VEGFC: variants seen among roughly 807,000 people sequenced by gnomAD.
VEGFC encodes FLT4 ligand DHM.
A neutral mutation model predicts 46.1 loss-of-function variants in VEGFC; 12 were observed. The ratio of observed to expected loss-of-function variants is 0.26; its 90% CI spans 0.17 to 0.42. The LOEUF (loss-of-function observed/expected upper bound fraction) is 0.42, where lower values mean the gene tolerates loss of function less well. Ranked by LOEUF, VEGFC falls within the 10% of genes least tolerant of loss-of-function variation. The pLI, the probability that VEGFC is intolerant of heterozygous loss-of-function variation, is 1.00. For synonymous variants in VEGFC, 232 were observed against 195.5 expected, an observed-to-expected ratio of 1.19 and a Z score of -1.56; for missense variants, 488 against 529.4, an observed-to-expected ratio of 0.92 and a Z score of 0.77.
intron 1 of VEGFC, among the ~76,000 whole-genome samples, chr4:176,790,660 G>A (rs1419980894): frequency 2.0e-5 from 3 of 152,034 alleles, no homozygotes; most frequent in Admixed American, 2.0e-4. Context: ...TTTTCTTACT[G>A]TAAACCAAAG....
intron 1 of VEGFC, among the ~76,000 whole-genome samples, chr4:176,754,765 T>G (rs570114670): frequency 6.6e-6 from 1 of 152,228 alleles, no homozygotes; most frequent in African/African-American, 2.4e-5. Context: ...GCCATTATTC[T>G]GCTTACCACA....
chr4:176,787,576 T>C (rs1468302141), intron 1 of VEGFC, among the ~76,000 whole-genome samples: 1 of 151,462 alleles, frequency 6.6e-6, no homozygotes, highest in East Asian at 1.9e-4. Context: ...GCGAGCAGTA[T>C]AAGGAAACAG....
intron 1 of VEGFC, among the ~76,000 whole-genome samples, chr4:176,771,452 GAAT>G (rs764622292): frequency 3.9e-5 from 6 of 152,130 alleles, no homozygotes; most frequent in Admixed American, 1.3e-4. Flanking sequence ...TTATGAATTT[GAAT>G]AATAAAGCAA....
At chr4:176,750,423 T>C (rs1735323007) in intron 1 of VEGFC, among the ~76,000 whole-genome samples, 1 of 151,652 alleles carries the variant, frequency 6.6e-6, no homozygotes. Flanking sequence ...ACTATATAGA[T>C]ACTAACTTGA....
chr4:176,719,450 G>A (rs1444609673), intron 3 of VEGFC, among the ~76,000 whole-genome samples: 4 of 152,076 alleles, frequency 2.6e-5, no homozygotes, highest in Admixed American at 6.6e-5. Flanking sequence ...TTAAGTACAC[G>A]TTTTCAGAAC....
intron 4 of VEGFC, among the ~76,000 whole-genome samples, chr4:176,704,160 A>T (rs1734482615): frequency 6.6e-6 from 1 of 151,826 alleles, no homozygotes; most frequent in Non-Finnish European, 1.5e-5. Flanking sequence ...TGTTATTCCG[A>T]TTGTTCTGAT....
rs58020262 is a variant in VEGFC, at chr4:176,692,437, A to C, written c.705-4510T>G. On this transcript the variant is annotated intron_variant, in intron 4 of 6. Transcript: ENST00000618562. ...AAACAAAAAAAAAACAAAAAACGGC[A>C]CACCACGAGATTATACCCGCACCTG... Among the ~76,000 whole-genome samples the C allele has an allele frequency of 1.7e-5, 2 of 118,864 alleles. 1 individual carries two copies. Among genetic ancestry groups the C allele is most frequent in the African/African-American group, 1.0e-4 (2 of 20,026 alleles). The allele number at this position is 118,864 out of a possible 152,430, so 78.0% of individuals were successfully genotyped here.
At chr4:176,780,520 A>T (rs1735898122) in intron 1 of VEGFC, among the ~76,000 whole-genome samples, 1 of 152,186 alleles carries the variant, frequency 6.6e-6, no homozygotes, top group Admixed American at 6.5e-5. Context: ...AGCTGTACAT[A>T]TATTAATTTA....
intron 1 of VEGFC, among the ~76,000 whole-genome samples, chr4:176,730,560 C>T (rs1734945828): frequency 1.3e-5 from 2 of 152,028 alleles, no homozygotes; most frequent in Admixed American, 1.3e-4. Context: ...TTTATATTGT[C>T]ATGATTATCC....
At chr4:176,712,431 T>C (rs1215923782) in intron 3 of VEGFC, among the ~76,000 whole-genome samples, 1 of 152,150 alleles carries the variant, frequency 6.6e-6, no homozygotes, top group Non-Finnish European at 1.5e-5. Flanking sequence ...AAAAACAATG[T>C]TTTAAATTAA....
intron 1 of VEGFC, among the ~76,000 whole-genome samples, chr4:176,735,193 T>C (rs999014164): frequency 2.6e-5 from 4 of 151,928 alleles, no homozygotes; most frequent in Non-Finnish European, 5.9e-5. Flanking sequence ...TGTTCTATTA[T>C]AATTTCTGAA....
chr4:176,710,803 G>C (rs1173495922), intron 4 of VEGFC, among the ~76,000 whole-genome samples: 1 of 152,006 alleles, frequency 6.6e-6, no homozygotes, highest in South Asian at 2.1e-4. Flanking sequence ...GTCAGAACAT[G>C]ATCATACAGG....
At chr4:176,719,959 T>C (rs1257379974) in intron 3 of VEGFC, among the ~76,000 whole-genome samples, 1 of 151,622 alleles carries the variant, frequency 6.6e-6, no homozygotes. Flanking sequence ...CTCGGGAGGC[T>C]GAGGCAGGAG....
intron 6 of VEGFC, among the ~76,000 whole-genome samples, chr4:176,684,714 T>C (rs1734006921): frequency 6.6e-6 from 1 of 152,210 alleles, no homozygotes. Context: ...TCCTGCCCTG[T>C]TGCTCCAGTG....
intron 6 of VEGFC, among the ~76,000 whole-genome samples, chr4:176,684,496 A>G (rs1222821165): frequency 1.3e-5 from 2 of 152,046 alleles, no homozygotes; most frequent in Non-Finnish European, 2.9e-5. Flanking sequence ...GAGCAGCCCC[A>G]CCCTCACTCT....
chr4:176,707,514 T>C lies in VEGFC; in HGVS notation c.704+3985A>G, dbSNP rs896487399. Among the ~76,000 whole-genome samples the C allele has an allele frequency of 5.3e-5, 8 of 151,984 alleles. No individual in the cohort carries two copies. In the South Asian group the frequency reaches 1.5e-3, roughly 28 times the overall value. On this transcript the variant is annotated intron_variant, in intron 4 of 6. Transcript: ENST00000618562. ...AATATTTTCACAAAGAAAAACAGAA[T>C]AGAAAAATTATTTGGGTATATCACA... is the stretch of plus-strand genomic sequence containing the variant.
At chr4:176,712,172 A>C (rs1486353442) in intron 3 of VEGFC, among the ~76,000 whole-genome samples, 1 of 152,170 alleles carries the variant, frequency 6.6e-6, no homozygotes. Flanking sequence ...TTTCTACCTC[A>C]ATGTAGTTTT....
chr4:176,727,733 T>C (rs756588323), intron 3 of VEGFC, 45 bp downstream of exon 3: 12 of 1,548,806 alleles, frequency 7.7e-6, no homozygotes, highest in African/African-American at 1.4e-5. Context: ...TTAAAGCTTC[T>C]GATTAAGGGG....
At chr4:176,766,706 T>C (rs969774525) in intron 1 of VEGFC, among the ~76,000 whole-genome samples, 10 of 151,678 alleles carry the variant, frequency 6.6e-5, no homozygotes, top group African/African-American at 2.4e-4. Context: ...AGAAACCGTA[T>C]AGAGACATGA....
Sources: allele counts gnomAD v4.1 joint callset (sites outside exome capture counted in the v4.1 genomes callset), GRCh38; gene constraint gnomAD v4.1.1; transcripts MANE v1.5; gene names NCBI Gene and HGNC (gene_info 2026-07-23, HGNC 2026-07-21).